PLAC1: variants seen among roughly 807,000 people sequenced by gnomAD.
PLAC1 encodes placenta associated 1, also known as placenta-specific protein 1.
For missense variants in PLAC1, 136 were observed against 163.2 expected, an observed-to-expected ratio of 0.83 and a Z score of 0.91; for synonymous variants, 68 against 62.1, an observed-to-expected ratio of 1.09 and a Z score of -0.44.
chrX:134,660,263 C>G (rs759901649), upstream of PLAC1, among the ~76,000 whole-genome samples: 5 of 110,282 alleles, frequency 4.5e-5, no homozygotes, highest in East Asian at 1.4e-3. Flanking sequence ...TGCCATCATG[C>G]CCAGCTAATT....
intron 2 of PLAC1, among the ~76,000 whole-genome samples, chrX:134,577,958 A>G (rs1029391126): frequency 9.1e-6 from 1 of 110,435 alleles, no homozygotes; most frequent in East Asian, 2.9e-4. Flanking sequence ...AAGATTATAT[A>G]ACATTTTCTA....
intron 1 of PLAC1, among the ~76,000 whole-genome samples, chrX:134,758,991 C>T (rs2078763433): frequency 9.0e-6 from 1 of 111,473 alleles, no homozygotes; most frequent in African/African-American, 3.3e-5. Context: ...TAAAAGAAAA[C>T]ATACAAACAG....
intron 2 of PLAC1, among the ~76,000 whole-genome samples, chrX:134,680,197 A>G (rs748090024): frequency 3.6e-5 from 4 of 112,084 alleles, no homozygotes; most frequent in Admixed American, 9.4e-5. Flanking sequence ...TGTTCTAAGC[A>G]TCCCTTTGTT....
intron 2 of PLAC1, among the ~76,000 whole-genome samples, chrX:134,718,199 G>A (rs1460846954): frequency 9.0e-6 from 1 of 111,494 alleles, no homozygotes; most frequent in Non-Finnish European, 1.9e-5. Flanking sequence ...AGTGTCCTTG[G>A]GGTCTGGAGA....
chrX:134,746,365 C>G (rs1441801028), intron 1 of PLAC1, among the ~76,000 whole-genome samples: 2 of 112,120 alleles, frequency 1.8e-5, no homozygotes, highest in Non-Finnish European at 3.8e-5. Context: ...TCCCAAGAGA[C>G]AGGAAGGCAC....
At chrX:134,645,366 G>A (rs1181507759) in intron 1 of PLAC1, among the ~76,000 whole-genome samples, 2 of 111,975 alleles carry the variant, frequency 1.8e-5, no homozygotes, top group African/African-American at 6.5e-5. Context: ...TATGGATCAC[G>A]TATAGTGATT....
At chrX:134,585,175 C>CAAAAAA (rs56343935) in intron 2 of PLAC1, among the ~76,000 whole-genome samples, 9 of 33,480 alleles carry the variant, frequency 2.7e-4, no homozygotes, top group Admixed American at 5.0e-4. Flanking sequence ...ACTAAAAGTA[C>CAAAAAA]AAAAAAAAAA....
At chrX:134,690,866 C>T (rs1408745993) in intron 2 of PLAC1, among the ~76,000 whole-genome samples, 1 of 92,746 alleles carries the variant, frequency 1.1e-5, no homozygotes, top group Non-Finnish European at 2.1e-5. Flanking sequence ...TGCTTGAATC[C>T]GGGAGGCGGA....
At chrX:134,642,919 G>A (rs2078313804) in intron 1 of PLAC1, among the ~76,000 whole-genome samples, 1 of 109,046 alleles carries the variant, frequency 9.2e-6, no homozygotes, top group Admixed American at 9.9e-5. Context: ...GGCAGAGAAA[G>A]GGAGAGGAAG....
At chrX:134,762,576 A>G (rs2078772303) in intron 1 of PLAC1, among the ~76,000 whole-genome samples, 1 of 111,102 alleles carries the variant, frequency 9.0e-6, no homozygotes, top group Admixed American at 9.6e-5. Flanking sequence ...TAATCCCAGC[A>G]CTTTGGACTT....
intron 2 of PLAC1, among the ~76,000 whole-genome samples, chrX:134,585,924 G>A (rs1402004130): frequency 8.9e-6 from 1 of 111,952 alleles, no homozygotes; most frequent in Non-Finnish European, 1.9e-5. Flanking sequence ...GCATTGCTGG[G>A]GAGAAGTTGG....
At chrX:134,568,567 C>T (rs1265430037) in intron 2 of PLAC1, among the ~76,000 whole-genome samples, 2 of 111,718 alleles carry the variant, frequency 1.8e-5, no homozygotes, top group African/African-American at 6.5e-5. Flanking sequence ...CCCCACAGGT[C>T]TGCCAGGCTC....
chrX:134,572,943 T>A (rs1409989092), intron 2 of PLAC1, among the ~76,000 whole-genome samples: 1 of 111,784 alleles, frequency 8.9e-6, no homozygotes, highest in Non-Finnish European at 1.9e-5. Flanking sequence ...TTAAATGTCA[T>A]GGTTCATCTC....
At chrX:134,755,678 C>T (rs2078754875) in intron 1 of PLAC1, among the ~76,000 whole-genome samples, 1 of 110,629 alleles carries the variant, frequency 9.0e-6, no homozygotes, top group Non-Finnish European at 1.9e-5. Context: ...CATTTGTATA[C>T]TTTCTTCTGT....
chrX:134,568,335 C>G (rs781274767), intron 2 of PLAC1, among the ~76,000 whole-genome samples: 92 of 113,079 alleles, frequency 8.1e-4, no homozygotes, highest in South Asian at 1.8e-3. Context: ...TCTCTCTTCT[C>G]TTTTTCCCCA....
intron 2 of PLAC1, among the ~76,000 whole-genome samples, chrX:134,731,792 T>C (rs1289767972): frequency 8.9e-6 from 1 of 111,786 alleles, no homozygotes; most frequent in Admixed American, 9.5e-5. Context: ...ACACTATGAG[T>C]TCTTATCCCA....
At chrX:134,692,271 C>T (rs190654123) in intron 2 of PLAC1, among the ~76,000 whole-genome samples, 1 of 111,886 alleles carries the variant, frequency 8.9e-6, no homozygotes, top group South Asian at 3.8e-4. Context: ...CCTTTTCCCC[C>T]CTAGAGACTG....
At position 134,750,863 on chromosome X, in the gene PLAC1, T is replaced by A. The variant is rs866440161; in HGVS notation, n.89+13371A>T. On this transcript the variant is annotated intron_variant and non_coding_transcript_variant, in intron 1 of 2. Transcript: ENST00000466797. ...TATATATATTTATATATATATATTT[T>A]TATATATATATATTTATAAATATAT... 1.4e-3 allele frequency among the ~76,000 whole-genome samples: 26 copies of A among 19,136 alleles called. 4 individuals carry two copies. Among genetic ancestry groups the A allele is most frequent in the Middle Eastern group, 0.029 (1 of 34 alleles). 16.6% of individuals were successfully genotyped at this position (19,136 alleles called of 115,157 possible).
At chrX:134,596,025 G>A (rs2078060803) in intron 2 of PLAC1, among the ~76,000 whole-genome samples, 1 of 111,268 alleles carries the variant, frequency 9.0e-6, no homozygotes, top group African/African-American at 3.3e-5. Context: ...TAGATTCTGA[G>A]TGGCTCTAGG....
Sources: gnomAD v4.1 joint callset for allele counts (sites outside exome capture counted in the v4.1 genomes callset) on GRCh38, gnomAD v4.1.1 for gene constraint, MANE v1.5 for transcripts, NCBI Gene and HGNC (gene_info 2026-07-23, HGNC 2026-07-21) for gene names.